The following TCEA3 variants were observed in gnomAD, a reference collection of about 807,000 sequenced individuals.
The protein encoded by TCEA3 is transcription elongation factor A protein 3.
Under a neutral mutation model 44.0 loss-of-function variants are expected in TCEA3, and 36 were observed. That is an observed-to-expected ratio of 0.82 (90% CI 0.63 to 1.08). TCEA3 has a LOEUF of 1.08. TCEA3 is among the 50% of genes least tolerant of loss of function. The pLI is 0.00. For synonymous variants in TCEA3, 162 were observed against 159.7 expected (o/e 1.01, Z -0.11); for missense variants, 392 against 441.2 (o/e 0.89, Z 1.00).
At chr1:23,412,352 A>G (rs1037100118) in intron 4 of TCEA3, among the ~76,000 whole-genome samples, 42 of 147,862 alleles carry the variant, frequency 2.8e-4, no homozygotes, top group African/African-American at 1.1e-3. Context: ...GTGAGCTGTG[A>G]TTGCGCCACT....
In TCEA3 at chr1:23,424,603, C is replaced by T. The variant is rs1640165741; in HGVS notation, c.31G>A (p.Ala11Thr). ...GCCACCATCTTCTCCAGCTTTTTGGCGATCCTCAGCAGCTCCTCTTCCTGG... is the reference window on the plus strand; with the variant it reads ...GCCACCATCTTCTCCAGCTTTTTGGTGATCCTCAGCAGCTCCTCTTCCTGG... Reference protein sequence around the residue: MGQEEELLRIAKKLEKMVARK... With the variant: MGQEEELLRITKKLEKMVARK... The change falls in exon 1 of 11, where the codon GCC becomes ACC. Residue 11 changes from alanine to threonine, a missense_variant. Transcript: ENST00000450454. 1 of 1,608,496 alleles carries T rather than the reference C, an allele frequency of 6.2e-7. No individual in the cohort carries two copies. Among genetic ancestry groups the T allele is most frequent in the Non-Finnish European group, 8.5e-7 (1 of 1,179,022 alleles).
chr1:23,399,136 G>GTATATA (rs1191975371), intron 5 of TCEA3, among the ~76,000 whole-genome samples: 24 of 58,670 alleles, frequency 4.1e-4, no homozygotes, highest in African/African-American at 7.8e-4. Flanking sequence ...TTATATATAT[G>GTATATA]TATATATGTA....
chr1:23,403,507 G>A (rs1011957801), intron 5 of TCEA3: 1 of 152,332 alleles, frequency 6.6e-6, no homozygotes, highest in African/African-American at 2.4e-5. Flanking sequence ...TATTTATTGA[G>A]CATTTACATG....
chr1:23,381,972 G>C (rs557128333), intron 10 of TCEA3, among the ~76,000 whole-genome samples: 4 of 151,992 alleles, frequency 2.6e-5, no homozygotes, highest in Non-Finnish European at 5.9e-5. Flanking sequence ...CATTTATTCT[G>C]TGCTAGGCAG....
intron 5 of TCEA3, among the ~76,000 whole-genome samples, chr1:23,400,693 A>C (rs765546291): frequency 2.0e-5 from 3 of 152,088 alleles, no homozygotes; most frequent in Non-Finnish European, 4.4e-5. Context: ...AAGTGGACTC[A>C]TCAGAGTTGA....
At chr1:23,386,955 C>T (rs1455846981) in intron 9 of TCEA3, among the ~76,000 whole-genome samples, 1 of 151,826 alleles carries the variant, frequency 6.6e-6, no homozygotes, top group African/African-American at 2.4e-5. Flanking sequence ...CTCCTGACCT[C>T]GTGATCCGCC....
intron 9 of TCEA3, among the ~76,000 whole-genome samples, chr1:23,384,828 G>A (rs766960272): frequency 2.6e-5 from 4 of 151,836 alleles, no homozygotes; most frequent in African/African-American, 4.8e-5. Context: ...CACCACGCCC[G>A]GCTAATTTGG....
At chr1:23,393,151 C>T (rs1213100361) in intron 8 of TCEA3, among the ~76,000 whole-genome samples, 4 of 152,008 alleles carry the variant, frequency 2.6e-5, no homozygotes, top group Non-Finnish European at 2.9e-5. Flanking sequence ...CAATAGGGTT[C>T]GTGCTCCTAT....
intron 5 of TCEA3, among the ~76,000 whole-genome samples, chr1:23,404,768 G>A (rs1449104043): frequency 6.6e-6 from 1 of 151,930 alleles, no homozygotes; most frequent in African/African-American, 2.4e-5. Context: ...AGACCAGCCT[G>A]GGCAACAAAG....
At chr1:23,398,429 C>G (rs982099480) in intron 5 of TCEA3, among the ~76,000 whole-genome samples, 1 of 152,202 alleles carries the variant, frequency 6.6e-6, no homozygotes, top group African/African-American at 2.4e-5. Flanking sequence ...TTATTACAAA[C>G]CTATTCTCCA....
At chr1:23,383,279 CAAAAA>C (rs10604385) in intron 10 of TCEA3, among the ~76,000 whole-genome samples, 6 of 118,480 alleles carry the variant, frequency 5.1e-5, no homozygotes, top group Admixed American at 8.7e-5. Context: ...GACTCCATCT[CAAAAA>C]AAAAAAAAAA....
intron 1 of TCEA3, among the ~76,000 whole-genome samples, chr1:23,422,873 G>T (rs912305044): frequency 6.6e-6 from 1 of 152,158 alleles, no homozygotes; most frequent in Non-Finnish European, 1.5e-5. Context: ...GCCAGGGCAG[G>T]TCCCGTCCTC....
At chr1:23,417,836 G>T in intron 3 of TCEA3, 68 bp downstream of exon 3, 2 of 1,441,318 alleles carry the variant, frequency 1.4e-6, no homozygotes, top group Non-Finnish European at 1.9e-6. Flanking sequence ...CTGGCTATGA[G>T]CCAGGCCCAG....
At chr1:23,385,547 G>T (rs1368044544) in intron 9 of TCEA3, among the ~76,000 whole-genome samples, 2 of 152,240 alleles carry the variant, frequency 1.3e-5, no homozygotes, top group African/African-American at 4.8e-5. Flanking sequence ...GAATGGCAAG[G>T]CTGACTGCAT....
chr1:23,393,410 C>CCA (rs1197782078), intron 8 of TCEA3, among the ~76,000 whole-genome samples: 1 of 151,708 alleles, frequency 6.6e-6, no homozygotes, highest in Non-Finnish European at 1.5e-5. Flanking sequence ...CATATACACA[C>CCA]CACACACACA....
intron 7 of TCEA3, among the ~76,000 whole-genome samples, chr1:23,395,638 C>T (rs1392643570): frequency 6.6e-6 from 1 of 151,982 alleles, no homozygotes; most frequent in Non-Finnish European, 1.5e-5. Context: ...CCAGCCTGGC[C>T]AACATGGTGA....
intron 5 of TCEA3, among the ~76,000 whole-genome samples, chr1:23,405,373 GA>G (rs1350938839): frequency 8.5e-5 from 13 of 152,128 alleles, no homozygotes; most frequent in Non-Finnish European, 1.5e-4. Flanking sequence ...GAAGAGGGTG[GA>G]TCACAAGGTC....
chr1:23,415,242 C>T (rs1442305755), intron 4 of TCEA3, among the ~76,000 whole-genome samples: 2 of 151,894 alleles, frequency 1.3e-5, no homozygotes, highest in African/African-American at 2.4e-5. Flanking sequence ...AGGCTGGTCT[C>T]GAACTCCTGA....
chr1:23,397,017 A>G (rs1013358385), intron 7 of TCEA3, among the ~76,000 whole-genome samples: 4 of 151,948 alleles, frequency 2.6e-5, no homozygotes, highest in African/African-American at 9.7e-5. Flanking sequence ...AAAAAAAAAA[A>G]AAAAAAAAAA....
Sources: allele counts gnomAD v4.1 joint callset (sites outside exome capture counted in the v4.1 genomes callset), GRCh38; gene constraint gnomAD v4.1.1; transcripts MANE v1.5; gene names NCBI Gene and HGNC (gene_info 2026-07-23, HGNC 2026-07-21).